NAV2: variants seen among roughly 807,000 people sequenced by gnomAD.
NAV2 encodes helicase, APC down-regulated 1.
In NAV2, 54 loss-of-function variants were observed where a neutral mutation model predicts 223.2. That is an observed-to-expected ratio of 0.24 (90% confidence interval 0.19 to 0.30). NAV2 has a LOEUF of 0.30. NAV2 is among the 10% of genes least tolerant of loss of function. The pLI is 1.00. For synonymous variants in NAV2, 1,279 were observed against 1,239.3 expected (o/e 1.03, Z -0.67); for missense variants, 2,806 against 3,147.5 (o/e 0.89, Z 2.60).
intron 3 of NAV2, among the ~76,000 whole-genome samples, chr11:19,867,317 G>C (rs1391044438): frequency 6.6e-6 from 1 of 152,168 alleles, no homozygotes; most frequent in Non-Finnish European, 1.5e-5. Context: ...GTGTATAACA[G>C]GGAAGAGGAC....
At chr11:19,633,562 A>G (rs10833143) in intron 1 of NAV2, among the ~76,000 whole-genome samples, 18,788 of 152,286 alleles carry the variant, frequency 0.12, 3,178 homozygotes, top group African/African-American at 0.38. Context: ...GTGTTTCCAC[A>G]GTGTCTGGGG....
At chr11:19,913,751 T>TTGCACTAGCTGAC (rs1221122801) in intron 6 of NAV2, among the ~76,000 whole-genome samples, 1 of 105,418 alleles carries the variant, frequency 9.5e-6, no homozygotes, top group African/African-American at 6.4e-5. Flanking sequence ...GATTCCTCCA[T>TTGCACTAGCTGAC]CGCAGTGCTT....
intron 1 of NAV2, among the ~76,000 whole-genome samples, chr11:19,479,840 CTG>C (rs1239877809): frequency 1.3e-5 from 2 of 152,224 alleles, no homozygotes; most frequent in Non-Finnish European, 2.9e-5. Flanking sequence ...AACCCCTACA[CTG>C]TGCATGTGCG....
chr11:19,466,677 A>G (rs1312101769), intron 1 of NAV2, among the ~76,000 whole-genome samples: 1 of 152,172 alleles, frequency 6.6e-6, no homozygotes, highest in African/African-American at 2.4e-5. Context: ...AAGCCACGGG[A>G]TGAACCCAGA....
intron 1 of NAV2, among the ~76,000 whole-genome samples, chr11:19,449,761 G>A (rs1238587858): frequency 6.6e-6 from 1 of 152,086 alleles, no homozygotes; most frequent in African/African-American, 2.4e-5. Context: ...TTCTATGTCC[G>A]CAGTGCCTGG....
chr11:19,573,085 G>A (rs1005278189), intron 1 of NAV2, among the ~76,000 whole-genome samples: 2 of 151,878 alleles, frequency 1.3e-5, no homozygotes, highest in Non-Finnish European at 2.9e-5. Flanking sequence ...GGCTCGGCAG[G>A]CACTCCTCTG....
chr11:19,941,027 G>C lies in NAV2; in HGVS notation c.2146+1254G>C, dbSNP rs192428461. ...CAGACATCAAAAGAGCGAGGCCAAC[G>C]CTTCAGATCCCAGCATGGTTCAGAT... On this transcript the variant is annotated intron_variant, in intron 8 of 37. Coordinates refer to ENST00000349880, the MANE Select transcript of NAV2 (RefSeq NM_145117.5). 4.5e-4 allele frequency among the ~76,000 whole-genome samples: 69 copies of C among 152,258 alleles called. 1 individual carries two copies. The South Asian group carries it at 0.014, about 31-fold the overall frequency.
intron 1 of NAV2, among the ~76,000 whole-genome samples, chr11:19,668,172 A>AT (rs941967747): frequency 5.9e-5 from 9 of 152,110 alleles, no homozygotes; most frequent in African/African-American, 1.7e-4. Context: ...AAAAGAGAAC[A>AT]TTTTTTTGGT....
intron 1 of NAV2, among the ~76,000 whole-genome samples, chr11:19,723,138 G>A (rs898052291): frequency 5.9e-5 from 9 of 152,200 alleles, no homozygotes; most frequent in African/African-American, 2.2e-4. Flanking sequence ...GGGTTCTGAG[G>A]GGGTTTTAGT....
chr11:19,915,364 G>A (rs772871490), intron 6 of NAV2, among the ~76,000 whole-genome samples: 7 of 152,132 alleles, frequency 4.6e-5, no homozygotes, highest in Admixed American at 6.5e-5. Context: ...TTGGAACACC[G>A]AATCACCATT....
Position 20,092,309 on chromosome 11 carries a change from C to T in NAV2, c.5756C>T (p.Pro1919Leu), listed in dbSNP as rs780399189. 43 of 1,613,892 alleles carry T rather than the reference C, an allele frequency of 2.7e-5. No individual in the cohort carries two copies. The highest frequency in any genetic ancestry group is 1.3e-4 in the Admixed American group (8 of 59,994). Residue 1919 changes from proline to leucine, a missense_variant, in exon 28 of 38, where the codon CCG (proline) becomes CTG (leucine). By Grantham distance (98) the Pro-to-Leu change is moderately conservative (BLOSUM62 -3). This residue lies in a region of NAV2 where 824 missense variants were observed against 1,069.4 expected (regional missense o/e 0.77). Coordinates refer to ENST00000349880, the MANE Select transcript of NAV2 (RefSeq NM_145117.5). ...APSQVSISAS[P>L]RQSMGLSQHS... ...TCCCAAGTGTCCATCTCTGCCTCCC[C>T]GAGGCAGTCCATGGGCCTCTCCCAG...
At position 19,832,477 on chromosome 11, in the gene NAV2, T is replaced by A. The variant is rs768844945; in HGVS notation, c.268-7T>A. ...TTCCTAAAGTTGCCTGTTTGCTTTTTTTACAGATCTACACAGACTGGGCCA... is the reference window on the plus strand; with the variant it reads ...TTCCTAAAGTTGCCTGTTTGCTTTTATTACAGATCTACACAGACTGGGCCA... On this transcript the variant is annotated splice_region_variant and splice_polypyrimidine_tract_variant and intron_variant, in intron 1 of 37. Transcript: ENST00000349880. The A allele has an allele frequency of 6.4e-7, 1 of 1,571,828 alleles. No homozygotes were observed. The highest frequency in any genetic ancestry group is 8.6e-7 in the Non-Finnish European group (1 of 1,161,016).
chr11:19,644,425 C>T (rs541839123), intron 1 of NAV2, among the ~76,000 whole-genome samples: 33 of 152,290 alleles, frequency 2.2e-4, no homozygotes, highest in Non-Finnish European at 3.2e-4. Flanking sequence ...GGCCCCAGGC[C>T]GGTGGATATG....
intron 29 of NAV2, among the ~76,000 whole-genome samples, chr11:20,094,662 T>G (rs1181023890): frequency 6.6e-6 from 1 of 152,228 alleles, no homozygotes; most frequent in Non-Finnish European, 1.5e-5. Flanking sequence ...TTATTCTGCA[T>G]CACTACAGCA....
At position 19,713,275 on chromosome 11, in the gene NAV2, G is replaced by T; in HGVS notation, c.-421G>T. On this transcript the variant is annotated 5_prime_UTR_variant, in exon 1 of 38. Transcript: ENST00000349880. The surrounding 1 kb of genome is among the most constrained non-coding windows in gnomAD (Gnocchi z 7.2). Reference sequence around the variant, plus strand: ...CGTAGCCTCCGGAACGGGACTCGTGGGTCGCCGCCGCCTCTGTCTCTTCCA... The same window carrying T: ...CGTAGCCTCCGGAACGGGACTCGTGTGTCGCCGCCGCCTCTGTCTCTTCCA... 9.9e-7 allele frequency: 1 copy of T among 1,009,064 alleles called. No individual in the cohort carries two copies. The highest frequency in any genetic ancestry group is 1.2e-6 in the Non-Finnish European group (1 of 845,628). The allele number at this position is 1,009,064 out of a possible 1,614,324, so 62.5% of individuals were successfully genotyped here. A position where few individuals can be genotyped will look rare whatever the true frequency, so the allele number is the denominator to read the frequency against.
At chr11:20,072,920 C>T (rs751726202) in intron 22 of NAV2, among the ~76,000 whole-genome samples, 2 of 152,062 alleles carry the variant, frequency 1.3e-5, no homozygotes, top group East Asian at 1.9e-4. Context: ...AATTGAATAC[C>T]CTTTATTTCC....
chr11:19,899,533 C>A (rs918905312), intron 6 of NAV2, among the ~76,000 whole-genome samples: 6 of 152,130 alleles, frequency 3.9e-5, no homozygotes, highest in Admixed American at 3.3e-4. Flanking sequence ...ATTTCATCAT[C>A]ATTTATAGAG....
At chr11:19,737,364 C>T (rs908847650) in intron 1 of NAV2, among the ~76,000 whole-genome samples, 3 of 152,128 alleles carry the variant, frequency 2.0e-5, no homozygotes, top group African/African-American at 7.2e-5. Context: ...ACAGGGTGCA[C>T]AAGAAGGACA....
At chr11:20,029,481 G>A (rs960476669) in intron 11 of NAV2, among the ~76,000 whole-genome samples, 1 of 152,210 alleles carries the variant, frequency 6.6e-6, no homozygotes, top group Non-Finnish European at 1.5e-5. Flanking sequence ...TAGAAATGAT[G>A]TTTGGAACCA....
Sources: allele counts gnomAD v4.1 joint callset (sites outside exome capture counted in the v4.1 genomes callset), GRCh38; gene constraint gnomAD v4.1.1; regional missense constraint gnomAD v4.1.1; non-coding constraint Gnocchi (gnomAD v3.1); transcripts MANE v1.5; gene names NCBI Gene and HGNC (gene_info 2026-07-23, HGNC 2026-07-21).